PIWIL3: variants seen among roughly 807,000 people sequenced by gnomAD.
PIWIL3 encodes the protein piwi-like protein 3.
PIWIL3 carries 101 observed loss-of-function variants against 109.7 expected under a neutral mutation model. That is an observed-to-expected ratio of 0.92 (90% CI 0.78 to 1.09). The LOEUF is 1.09. Among genes scored for constraint, PIWIL3 ranks in the 50% least tolerant of loss-of-function variants. The pLI is 0.00. For missense variants in PIWIL3, 1,031 were observed against 1,072.6 expected (o/e 0.96, Z 0.54); for synonymous variants, 373 against 376.4 (o/e 0.99, Z 0.10).
In PIWIL3 at chr22:24,723,244, G is replaced by T. The variant is rs750992968; in HGVS notation, c.2243C>A (p.Ala748Asp). ...KTISPNNFTL[A>D]FIVVKKRINT... ...TATTCGTTTCTTCACCACAATGAAA[G>T]CTAGAGTGAAACTTAAAAAAATTAG... Residue 748 changes from alanine (A) to aspartate (D), a missense_variant, in exon 19 of 21, where the codon GCT becomes GAT. Transcript: ENST00000616349. The T allele has an allele frequency of 5.0e-6, 8 of 1,610,382 alleles. No homozygotes were observed. The highest frequency in any genetic ancestry group is 1.3e-5 in the African/African-American group (1 of 74,852).
chr22:24,724,967 C>T lies in PIWIL3; in HGVS notation c.2151G>A (p.Val717=). Residue 717 remains valine, a synonymous_variant, in exon 18 of 21, where the codon GTG becomes GTA. Coordinates refer to ENST00000616349, the MANE Select transcript of PIWIL3 (RefSeq NM_001255975.1). ...GCAATGCTTGAAGCTGACCATCTCC[C>T]ACTCCATCCCGATACACAATAACAG... ...PHSVIVYRDG[V]GDGQLQALLD... is the part of the protein sequence containing the mutation. 1 of 1,614,154 alleles carries T rather than the reference C, an allele frequency of 6.2e-7. No individual in the cohort carries two copies. Among genetic ancestry groups the T allele is most frequent in the Non-Finnish European group, 8.5e-7 (1 of 1,180,034 alleles).
At chr22:24,720,218 G>T (rs1185738093) in intron 19 of PIWIL3, among the ~76,000 whole-genome samples, 3 of 149,880 alleles carry the variant, frequency 2.0e-5, no homozygotes, top group Non-Finnish European at 4.4e-5. Flanking sequence ...TTGGATGAAG[G>T]CCTGCTGCCT....
At chr22:24,750,031 C>A (rs1009410613) in intron 9 of PIWIL3, among the ~76,000 whole-genome samples, 2 of 152,164 alleles carry the variant, frequency 1.3e-5, no homozygotes, top group Admixed American at 1.3e-4. Context: ...GCATACTTGG[C>A]CAAATACAGG....
At chr22:24,753,821 A>AG (rs1924848445) in intron 8 of PIWIL3, among the ~76,000 whole-genome samples, 193 bp downstream of exon 8, 1 of 152,230 alleles carries the variant, frequency 6.6e-6, no homozygotes, top group Admixed American at 6.5e-5. Context: ...AGGGATTTCA[A>AG]GAAGAGTGAA....
chr22:24,757,098 A>AAAAAAAAAG (rs1555912998), intron 4 of PIWIL3, among the ~76,000 whole-genome samples: 2 of 146,436 alleles, frequency 1.4e-5, no homozygotes, highest in African/African-American at 5.2e-5. Flanking sequence ...AAAAAAAAAA[A>AAAAAAAAAG]AAAAGAAAAG....
At chr22:24,734,907 T>G (rs1478896662) in intron 13 of PIWIL3, among the ~76,000 whole-genome samples, 1 of 151,082 alleles carries the variant, frequency 6.6e-6, no homozygotes, top group Non-Finnish European at 1.5e-5. Flanking sequence ...ATAGGTAAAC[T>G]TGTGCCCTGA....
chr22:24,743,778 C>T (rs1924147892), intron 12 of PIWIL3, among the ~76,000 whole-genome samples: 1 of 151,872 alleles, frequency 6.6e-6, no homozygotes, highest in East Asian at 1.9e-4. Flanking sequence ...AACTTATCCA[C>T]GTAACTACCT....
At chr22:24,725,108 T>G in intron 17 of PIWIL3, 71 bp from the exon 18 acceptor site, 1 of 1,563,384 alleles carries the variant, frequency 6.4e-7, no homozygotes, top group South Asian at 1.2e-5. Context: ...TTTTGACAAA[T>G]TCTAGGTCCA....
At chr22:24,760,527 C>T (rs1925365091) in intron 2 of PIWIL3, among the ~76,000 whole-genome samples, 1 of 151,482 alleles carries the variant, frequency 6.6e-6, no homozygotes, top group African/African-American at 2.4e-5. Context: ...GTGGCTCACG[C>T]CTGTAATCCC....
Position 24,725,428 on chromosome 22 carries a change from C to G in PIWIL3, c.2080+17G>C. On this transcript the variant is annotated intron_variant, in intron 17 of 20. Coordinates refer to ENST00000616349, the MANE Select transcript of PIWIL3 (RefSeq NM_001255975.1). ...CTTGTATAGTGTCGGGTTCCCCGACCGCTACAAGACACTGACCTTTCAAGC... is the reference window on the plus strand; with the variant it reads ...CTTGTATAGTGTCGGGTTCCCCGACGGCTACAAGACACTGACCTTTCAAGC... 6.2e-7 allele frequency: 1 copy of G among 1,612,958 alleles called. No individual in the cohort carries two copies. The highest frequency in any genetic ancestry group is 8.5e-7 in the Non-Finnish European group (1 of 1,179,916).
rs142527423 is a variant in PIWIL3 at position 24,762,475 on chromosome 22, C to G, written c.25G>C (p.Ala9Pro). ...TCCCTGCGGCGGGCTCTGCCTCGGG[C>G]GCGAGTCCTTGCCCTACCAGGCATT... MPGRARTRARGRARRRESY... is the reference protein window; with the variant it reads MPGRARTRPRGRARRRESY... Residue 9 changes from alanine to proline, a missense_variant, in exon 2 of 21, where the codon GCC (alanine) becomes CCC (proline). By Grantham distance (27) the Ala-to-Pro change is conservative. Coordinates refer to ENST00000616349, the MANE Select transcript of PIWIL3 (RefSeq NM_001255975.1). The G allele has an allele frequency of 6.2e-7, 1 of 1,613,508 alleles. No individual in the cohort carries two copies. The highest frequency in any genetic ancestry group is 1.3e-5 in the African/African-American group (1 of 74,920).
At chr22:24,734,248 TA>T in intron 13 of PIWIL3, 92 bp from the exon 14 acceptor site, 3 of 1,505,838 alleles carry the variant, frequency 2.0e-6, no homozygotes, top group Non-Finnish European at 2.7e-6. Flanking sequence ...TAAGACATGA[TA>T]AAATACCAAG....
In PIWIL3 at chr22:24,762,258, A is replaced by C. The variant is rs1219117675; in HGVS notation, c.102+140T>G. 3 of 1,360,508 alleles carry C rather than the reference A, an allele frequency of 2.2e-6. No individual in the cohort carries two copies. In the African/African-American group the frequency reaches 4.5e-5, roughly 20 times the overall value. The allele number at this position is 1,360,508 out of a possible 1,614,324, so 84.3% of individuals were successfully genotyped here. Reference sequence around the variant, plus strand: ...AGCCTCCCCATGCTGCCATCTATACAGCCTGACTTTTCTTATGAACTTTTA... The same window carrying C: ...AGCCTCCCCATGCTGCCATCTATACCGCCTGACTTTTCTTATGAACTTTTA... On this transcript the variant is annotated intron_variant, in intron 2 of 20. Transcript: ENST00000616349.
At chr22:24,757,637 C>CAT (rs1555913043) in intron 4 of PIWIL3, among the ~76,000 whole-genome samples, 12 of 122,776 alleles carry the variant, frequency 9.8e-5, no homozygotes, top group East Asian at 5.3e-4. Flanking sequence ...CACACACACA[C>CAT]ATATATAAAA....
chr22:24,729,908 T>C (rs2147657205), intron 14 of PIWIL3, among the ~76,000 whole-genome samples: 1 of 152,124 alleles, frequency 6.6e-6, no homozygotes, highest in South Asian at 2.1e-4. Context: ...CTCTGGTGAA[T>C]CTATACTGAT....
Sources: gnomAD v4.1 joint callset for allele counts (sites outside exome capture counted in the v4.1 genomes callset) on GRCh38, gnomAD v4.1.1 for gene constraint, MANE v1.5 for transcripts, NCBI Gene and HGNC (gene_info 2026-07-23, HGNC 2026-07-21) for gene names.